The following SULT1C2 variants were observed in gnomAD, a reference collection of about 807,000 sequenced individuals.
SULT1C2 encodes the protein sulfotransferase 1C2.
Under a neutral mutation model 36.0 loss-of-function variants are expected in SULT1C2, and 27 were observed. The ratio of observed to expected loss-of-function variants is 0.75; its 90% CI spans 0.55 to 1.03. The LOEUF (loss-of-function observed/expected upper bound fraction) is 1.03, where lower values mean the gene tolerates loss of function less well. SULT1C2 is among the 50% of genes least tolerant of loss of function. The probability of loss-of-function intolerance (pLI) is 0.00; values close to 1 mark genes in which losing one functional copy is unlikely to be tolerated. For synonymous variants in SULT1C2, 121 were observed against 116.0 expected, an observed-to-expected ratio of 1.04 and a Z score of -0.27; for missense variants, 395 against 359.2, an observed-to-expected ratio of 1.10 and a Z score of -0.80.
rs1234790518 is a variant in SULT1C2, at chr2:108,305,516, G to T, written c.699G>T (p.Met233Ile). The change falls in exon 7 of 8, where the codon ATG becomes ATT. Residue 233 changes from methionine to isoleucine, a missense_variant. By Grantham distance (10) the Met-to-Ile change is conservative. Coordinates refer to ENST00000251481, the MANE Select transcript of SULT1C2 (RefSeq NM_001056.4). ...KIVQETSFEK[M>I]KENPMTNRST... Reference sequence around the variant, plus strand: ...TCCAGGAGACGTCATTTGAGAAAATGAAAGAAAATCCCATGACAAATCGTT... The same window carrying T: ...TCCAGGAGACGTCATTTGAGAAAATTAAAGAAAATCCCATGACAAATCGTT... 6.2e-7 allele frequency: 1 copy of T among 1,614,192 alleles called. No individual in the cohort carries two copies. The highest frequency in any genetic ancestry group is 8.5e-7 in the Non-Finnish European group (1 of 1,180,032).
At chr2:108,307,461 G>C (rs1202448279) in intron 7 of SULT1C2, among the ~76,000 whole-genome samples, 1 of 152,206 alleles carries the variant, frequency 6.6e-6, no homozygotes, top group Non-Finnish European at 1.5e-5. Flanking sequence ...AGCGAAGGAT[G>C]CATCATAATT....
In SULT1C2 at chr2:108,294,287, G is replaced by A; in HGVS notation, c.210G>A (p.Lys70=). The change falls in exon 3 of 8, where the codon AAG becomes AAA. Residue 70 remains lysine (K), a synonymous_variant. Transcript: ENST00000251481. ...DMIEQNGDVE[K]CQRAIIQHRH... ...TTGAACAGAATGGGGACGTGGAGAAGTGCCAGCGAGCCATCATCCAACACC... is the reference window on the plus strand; with the variant it reads ...TTGAACAGAATGGGGACGTGGAGAAATGCCAGCGAGCCATCATCCAACACC... The A allele has an allele frequency of 6.2e-7, 1 of 1,614,138 alleles. No homozygotes were observed. Among genetic ancestry groups the A allele is most frequent in the Non-Finnish European group, 8.5e-7 (1 of 1,180,000 alleles).
intron 4 of SULT1C2, 58 bp from the exon 5 acceptor site, chr2:108,304,516 C>T (rs1237010006): frequency 6.9e-5 from 107 of 1,546,232 alleles, no homozygotes; most frequent in Non-Finnish European, 8.9e-5. Context: ...CCTAAGGGAA[C>T]TCTGTGAAAG....
At chr2:108,297,840 G>A (rs1277012876) in intron 3 of SULT1C2, among the ~76,000 whole-genome samples, 1 of 152,134 alleles carries the variant, frequency 6.6e-6, no homozygotes. Flanking sequence ...TGGAGTTAGA[G>A]CTGGACTGAG....
At chr2:108,289,864 G>C (rs1287641777) in intron 1 of SULT1C2, among the ~76,000 whole-genome samples, 1 of 152,150 alleles carries the variant, frequency 6.6e-6, no homozygotes, top group Non-Finnish European at 1.5e-5. Flanking sequence ...CCCAGCTTTA[G>C]CCAGGTTCTA....
intron 1 of SULT1C2, 103 bp downstream of exon 1, chr2:108,289,173 G>C (rs1676532984): frequency 6.6e-6 from 1 of 152,578 alleles, no homozygotes; most frequent in Non-Finnish European, 1.5e-5. Context: ...ATTCAAACCA[G>C]AAAAGATCCT....
chr2:108,301,110 T>A (rs1676858568), intron 4 of SULT1C2, 175 bp downstream of exon 4: 4 of 776,756 alleles, frequency 5.1e-6, no homozygotes, highest in Non-Finnish European at 6.0e-6. Flanking sequence ...CCTGAACAGT[T>A]TCAAATAGGA....
intron 3 of SULT1C2, chr2:108,299,381 A>C (rs564679075): frequency 6.6e-6 from 1 of 152,440 alleles, no homozygotes; most frequent in South Asian, 2.1e-4. Context: ...GATTAACAGG[A>C]AAGATCTTCA....
chr2:108,308,279 C>G lies in SULT1C2; in HGVS notation c.779-73C>G. The G allele has an allele frequency of 2.8e-6, 4 of 1,410,492 alleles. No individual in the cohort carries two copies. The South Asian group carries it at 5.4e-5, about 19-fold the overall frequency. 87.4% of individuals were successfully genotyped at this position (1,410,492 alleles called of 1,614,324 possible). A position where few individuals can be genotyped will look rare whatever the true frequency, so the allele number is the denominator to read the frequency against. ...GGACAGGCCAGATTCAGTATGGGCA[C>G]TACACCACTTTACTCAGGGACACCA... is the stretch of plus-strand genomic sequence containing the variant. On this transcript the variant is annotated intron_variant, in intron 7 of 7. Coordinates refer to ENST00000251481, the MANE Select transcript of SULT1C2 (RefSeq NM_001056.4).
intron 3 of SULT1C2, chr2:108,298,468 A>C (rs1436977645): frequency 9.9e-6 from 2 of 202,096 alleles, no homozygotes; most frequent in South Asian, 5.7e-5. Flanking sequence ...CAATCTCTCG[A>C]GCTCAAGCGA....
chr2:108,304,503 C>CT (rs1676969175), intron 4 of SULT1C2, 71 bp from the exon 5 acceptor site: 13 of 1,516,498 alleles, frequency 8.6e-6, no homozygotes, highest in Non-Finnish European at 1.2e-5. Flanking sequence ...CAGGATGGCT[C>CT]TGCCTAAGGG....
In SULT1C2 at chr2:108,305,452, T is replaced by C; in HGVS notation, c.635T>C (p.Met212Thr). Residue 212 changes from methionine (M) to threonine (T), a missense_variant, in exon 7 of 8, where the codon ATG becomes ACG. Coordinates refer to ENST00000251481, the MANE Select transcript of SULT1C2 (RefSeq NM_001056.4). ...KHEIRKVMQF[M>T]GKKVDETVLD... ...GAAATTCGGAAGGTGATGCAGTTCA[T>C]GGGAAAGAAGGTGGATGAAACAGTG... The C allele has an allele frequency of 5.6e-6, 9 of 1,614,124 alleles. No individual in the cohort carries two copies. The highest frequency in any genetic ancestry group is 7.6e-6 in the Non-Finnish European group (9 of 1,180,028).
chr2:108,302,741 TAAAG>T (rs1404159506), intron 4 of SULT1C2: 3 of 152,188 alleles, frequency 2.0e-5, no homozygotes, highest in South Asian at 2.1e-4. Flanking sequence ...AAAAATAAAA[TAAAG>T]AAATAAGATG....
At chr2:108,297,718 C>T (rs1003124361) in intron 3 of SULT1C2, among the ~76,000 whole-genome samples, 1 of 152,046 alleles carries the variant, frequency 6.6e-6, no homozygotes, top group African/African-American at 2.4e-5. Context: ...TGTGGGGGGG[C>T]AGAATGTACA....
intron 3 of SULT1C2, chr2:108,299,098 G>A (rs1056730583): frequency 3.9e-5 from 6 of 152,698 alleles, no homozygotes; most frequent in Admixed American, 6.5e-5. Context: ...GAGTTTCTCC[G>A]GCTAATGCAT....
chr2:108,291,153 G>T (rs1328023546), intron 1 of SULT1C2, among the ~76,000 whole-genome samples: 3 of 152,148 alleles, frequency 2.0e-5, no homozygotes, highest in African/African-American at 7.2e-5. Context: ...TTTGCTTGTT[G>T]GCTGAGGTTC....
intron 7 of SULT1C2, among the ~76,000 whole-genome samples, chr2:108,307,985 G>A (rs141109024): frequency 1.6e-4 from 24 of 152,260 alleles, no homozygotes; most frequent in African/African-American, 4.1e-4. Context: ...CCTGTGTCTC[G>A]TGTCTTTTGC....
At position 108,308,413 on chromosome 2, in the gene SULT1C2, C is replaced by A. The variant is rs1677074800; in HGVS notation, c.840C>A (p.Ile280=). ...CCCAGAATGAGAGGTTTGATGAAAT[C>A]TATAGAAGAAAGATGGAAGGAACCT... is the stretch of plus-strand genomic sequence containing the variant. ...TVAQNERFDE[I]YRRKMEGTSI... Residue 280 remains isoleucine (I), a synonymous_variant, in exon 8 of 8, where the codon ATC becomes ATA. Coordinates refer to ENST00000251481, the MANE Select transcript of SULT1C2 (RefSeq NM_001056.4). 8 of 1,613,076 alleles carry A rather than the reference C, an allele frequency of 5.0e-6. No homozygotes were observed. The highest frequency in any genetic ancestry group is 6.8e-6 in the Non-Finnish European group (8 of 1,179,808).
intron 4 of SULT1C2, chr2:108,301,696 A>G (rs547035173): frequency 6.6e-6 from 1 of 152,370 alleles, no homozygotes; most frequent in African/African-American, 2.4e-5. Flanking sequence ...TTATTCTGTG[A>G]CTTTATTCGT....
Sources: allele counts gnomAD v4.1 joint callset (sites outside exome capture counted in the v4.1 genomes callset), GRCh38; gene constraint gnomAD v4.1.1; transcripts MANE v1.5; gene names NCBI Gene and HGNC (gene_info 2026-07-23, HGNC 2026-07-21).